The following E2F3 variants were observed in gnomAD, a reference collection of about 807,000 sequenced individuals.
The protein encoded by E2F3 is E2F transcription factor 3, also known as transcription factor E2F3.
A neutral mutation model predicts 44.4 loss-of-function variants in E2F3; 11 were observed. That is an observed-to-expected ratio of 0.25 (90% confidence interval 0.16 to 0.41). The LOEUF (loss-of-function observed/expected upper bound fraction) is 0.41, where lower values mean the gene tolerates loss of function less well. E2F3 is among the 10% of genes least tolerant of loss of function. The pLI, the probability that E2F3 is intolerant of heterozygous loss-of-function variation, is 1.00. For missense variants in E2F3, 487 were observed against 583.6 expected (o/e 0.83, Z 1.70); for synonymous variants, 249 against 253.0 (o/e 0.98, Z 0.15).
intron 1 of E2F3, among the ~76,000 whole-genome samples, chr6:20,417,987 G>T (rs1212788988): frequency 6.6e-6 from 1 of 152,114 alleles, no homozygotes; most frequent in East Asian, 1.9e-4. Context: ...TATAGAGGCT[G>T]GGGGAGGAAG....
rs761207862 is a variant in E2F3 at position 20,479,853 on chromosome 6, G to A, written c.401G>A (p.Arg134Gln). The part of the protein sequence containing the change: ...SGGGGGPPAK[R>Q]RLELGESGHQ... ...CGCACTTTCTTATTACAGGCAAAGCGAAGGCTGGAGCTAGGAGAAAGCGGT... is the reference window on the plus strand; with the variant it reads ...CGCACTTTCTTATTACAGGCAAAGCAAAGGCTGGAGCTAGGAGAAAGCGGT... The change falls in exon 2 of 7, where the codon CGA (arginine) becomes CAA (glutamine). Residue 134 changes from arginine to glutamine, a missense_variant. Coordinates refer to ENST00000346618, the MANE Select transcript of E2F3 (RefSeq NM_001949.5). 1.6e-5 allele frequency: 25 copies of A among 1,610,952 alleles called. No homozygotes were observed. The highest frequency in any genetic ancestry group is 2.0e-5 in the Non-Finnish European group (24 of 1,178,476).
At chr6:20,463,998 T>A (rs1270038261) in intron 1 of E2F3, among the ~76,000 whole-genome samples, 1 of 152,186 alleles carries the variant, frequency 6.6e-6, no homozygotes, top group Non-Finnish European at 1.5e-5. Flanking sequence ...ATTTACTGGT[T>A]TATTATAAAG....
At chr6:20,412,753 C>T (rs1447601412) in intron 1 of E2F3, among the ~76,000 whole-genome samples, 2 of 152,156 alleles carry the variant, frequency 1.3e-5, no homozygotes, top group Non-Finnish European at 2.9e-5. Flanking sequence ...GCCAGGTCTT[C>T]AACCTTCTCA....
intron 1 of E2F3, among the ~76,000 whole-genome samples, chr6:20,411,685 C>T (rs1055190144): frequency 7.2e-5 from 11 of 152,228 alleles, no homozygotes; most frequent in Non-Finnish European, 1.5e-4. Flanking sequence ...CCCTCTCCAC[C>T]TTACTCCTTT....
intron 1 of E2F3, among the ~76,000 whole-genome samples, chr6:20,418,256 G>A (rs749705683): frequency 3.9e-5 from 6 of 152,194 alleles, no homozygotes; most frequent in South Asian, 2.1e-4. Context: ...CCATATAGTC[G>A]AGTTTTGTAA....
intron 1 of E2F3, among the ~76,000 whole-genome samples, chr6:20,441,788 G>C (rs952160235): frequency 7.0e-6 from 1 of 143,080 alleles, no homozygotes; most frequent in African/African-American, 2.6e-5. Context: ...GGCTGGTCTC[G>C]AACTCCTTAC....
chr6:20,484,981 C>T (rs556265699), intron 4 of E2F3, among the ~76,000 whole-genome samples: 2 of 150,476 alleles, frequency 1.3e-5, no homozygotes, highest in South Asian at 2.1e-4. Context: ...AAGCTACTAT[C>T]GTAAGGGACA....
chr6:20,475,326 C>T (rs1286075026), intron 1 of E2F3, among the ~76,000 whole-genome samples: 1 of 152,186 alleles, frequency 6.6e-6, no homozygotes, highest in African/African-American at 2.4e-5. Context: ...ATTTCCCTAA[C>T]CTACAGTTTA....
chr6:20,419,665 A>C (rs1195885892), intron 1 of E2F3, among the ~76,000 whole-genome samples: 1 of 150,022 alleles, frequency 6.7e-6, no homozygotes, highest in Non-Finnish European at 1.5e-5. Flanking sequence ...CCAGGTGTTC[A>C]AGCAATTCTC....
chr6:20,471,092 A>C (rs375481648), intron 1 of E2F3, among the ~76,000 whole-genome samples: 8 of 152,338 alleles, frequency 5.3e-5, no homozygotes, highest in Admixed American at 2.6e-4. Flanking sequence ...AATGCTTTTC[A>C]ACTATTTGGT....
At chr6:20,416,164 C>T (rs1759838568) in intron 1 of E2F3, among the ~76,000 whole-genome samples, 1 of 152,206 alleles carries the variant, frequency 6.6e-6, no homozygotes, top group African/African-American at 2.4e-5. Context: ...TTGTCTTCCT[C>T]ATGTATATCA....
chr6:20,483,067 G>A (rs1249822602), intron 4 of E2F3, 147 bp downstream of exon 4: 7 of 1,192,506 alleles, frequency 5.9e-6, no homozygotes, highest in African/African-American at 4.5e-5. Flanking sequence ...GTGTGTGTGT[G>A]TGCACGTGTG....
At position 20,488,148 on chromosome 6, in the gene E2F3, C is replaced by G. The variant is rs200445317; in HGVS notation, c.1035C>G (p.Pro345=). Residue 345 remains proline (P), a synonymous_variant, in exon 6 of 7, where the codon CCC becomes CCG. Transcript: ENST00000346618. ...TACATTTGGCAAGTACCCAAGGGCCCATTGAGGTTTACTTATGTCCAGAAG... is the reference window on the plus strand; with the variant it reads ...TACATTTGGCAAGTACCCAAGGGCCGATTGAGGTTTACTTATGTCCAGAAG... ...LQIHLASTQG[P]IEVYLCPEET... is the part of the protein sequence containing the mutation. 1 of 1,614,146 alleles carries G rather than the reference C, an allele frequency of 6.2e-7. No individual in the cohort carries two copies. The highest frequency in any genetic ancestry group is 2.2e-5 in the East Asian group (1 of 44,868).
At chr6:20,485,481 G>A (rs1762362545) in intron 4 of E2F3, among the ~76,000 whole-genome samples, 1 of 152,164 alleles carries the variant, frequency 6.6e-6, no homozygotes. Flanking sequence ...TTGGGAGGCT[G>A]AGGCACGAGA....
At chr6:20,486,417 C>T (rs1581660291) in intron 4 of E2F3, among the ~76,000 whole-genome samples, 1 of 152,150 alleles carries the variant, frequency 6.6e-6, no homozygotes, top group Non-Finnish European at 1.5e-5. Context: ...GGACTACAGG[C>T]GCCCGCCACC....
chr6:20,450,255 C>G (rs1761085238), intron 1 of E2F3, among the ~76,000 whole-genome samples: 1 of 152,046 alleles, frequency 6.6e-6, no homozygotes, highest in African/African-American at 2.4e-5. Flanking sequence ...AATGTATAAG[C>G]CTTTTTTTTG....
At chr6:20,460,887 A>G (rs1761479230) in intron 1 of E2F3, among the ~76,000 whole-genome samples, 1 of 149,382 alleles carries the variant, frequency 6.7e-6, no homozygotes, top group Admixed American at 6.8e-5. Flanking sequence ...TCCCAGCTAC[A>G]TGGGAGGCTG....
In E2F3 at chr6:20,490,597, A is replaced by T. The variant is rs576846225; in HGVS notation, c.*167A>T. ...GACATTTTAATGAATTTTTTAAAAA[A>T]TTAATAAACAAATTGTCTAAACGCA... On this transcript the variant is annotated 3_prime_UTR_variant, in exon 7 of 7. Coordinates refer to ENST00000346618, the MANE Select transcript of E2F3 (RefSeq NM_001949.5). This position sits in a 1 kb window ranked among gnomAD's most constrained non-coding sequence, Gnocchi z 4.3. 15 of 715,034 alleles carry T rather than the reference A, an allele frequency of 2.1e-5. No individual in the cohort carries two copies. The East Asian group carries it at 4.9e-4, about 23-fold the overall frequency. The allele number at this position is 715,034 out of a possible 1,614,324, so 44.3% of individuals were successfully genotyped here.
Position 20,402,382 on chromosome 6 carries a change from TGCC to T in E2F3, c.157_159del (p.Ala53del). 1 of 1,604,202 alleles carries T rather than the reference TGCC, an allele frequency of 6.2e-7. No homozygotes were observed. The highest frequency in any genetic ancestry group is 8.5e-7 in the Non-Finnish European group (1 of 1,177,068). On this transcript the variant is annotated inframe_deletion, in exon 1 of 7. Coordinates refer to ENST00000346618, the MANE Select transcript of E2F3 (RefSeq NM_001949.5). This position sits in a 1 kb window ranked among gnomAD's most constrained non-coding sequence, Gnocchi z 5.6. ...CCGGCTTCGCCGCCGCCGCCGCCGC[TGCC>T]GCCGCCCCGGGCGCGTACATCCAGA...
Sources: gnomAD v4.1 joint callset for allele counts (sites outside exome capture counted in the v4.1 genomes callset) on GRCh38, gnomAD v4.1.1 for gene constraint, Gnocchi (gnomAD v3.1) non-coding constraint, MANE v1.5 for transcripts, NCBI Gene and HGNC (gene_info 2026-07-23, HGNC 2026-07-21) for gene names.